Variants in LMBRD1 observed in about 807,000 individuals in gnomAD.
LMBRD1 encodes the protein LMBR1 domain containing 1.
Under a neutral mutation model 74.8 loss-of-function variants are expected in LMBRD1, and 64 were observed. The observed-to-expected ratio is 0.86, with a 90% CI of 0.70 to 1.05. LMBRD1 has a LOEUF of 1.05. Ranked by LOEUF, LMBRD1 falls within the 50% of genes least tolerant of loss-of-function variation. LMBRD1 has a pLI of 0.00. For synonymous variants in LMBRD1, 204 were observed against 216.3 expected (o/e 0.94, Z 0.50); for missense variants, 652 against 645.9 (o/e 1.01, Z -0.10).
chr6:69,727,036 T>C (rs1449096400), intron 7 of LMBRD1, among the ~76,000 whole-genome samples: 1 of 152,050 alleles, frequency 6.6e-6, no homozygotes, highest in Non-Finnish European at 1.5e-5. Context: ...GCACCTGTTG[T>C]CCCAGCTACT....
intron 14 of LMBRD1, among the ~76,000 whole-genome samples, chr6:69,696,190 T>G (rs1040518860): frequency 1.3e-5 from 2 of 152,314 alleles, no homozygotes; most frequent in South Asian, 4.1e-4. Context: ...TCTGTTTCTC[T>G]CACCATTGCT....
At position 69,752,320 on chromosome 6, in the gene LMBRD1, CAGA is replaced by C. The variant is rs1765175358; in HGVS notation, c.341_343del (p.Phe114del). The C allele has an allele frequency of 6.2e-7, 1 of 1,610,166 alleles. No individual in the cohort carries two copies. The highest frequency in any genetic ancestry group is 8.5e-7 in the Non-Finnish European group (1 of 1,176,996). ...ATAATAGAAGTAGACAAAAGGGATC[CAGA>C]AGAACACACAGAACAATATAACAGA... On this transcript the variant is annotated inframe_deletion, in exon 4 of 16. Transcript: ENST00000649934.
intron 7 of LMBRD1, among the ~76,000 whole-genome samples, chr6:69,719,475 T>C (rs1017647230): frequency 2.8e-4 from 43 of 152,248 alleles, no homozygotes; most frequent in African/African-American, 9.9e-4. Context: ...TTTGGTAAAA[T>C]AAGTATTTTA....
chr6:69,767,101 C>T (rs1765487935), intron 3 of LMBRD1, among the ~76,000 whole-genome samples: 1 of 151,356 alleles, frequency 6.6e-6, no homozygotes, highest in African/African-American at 2.4e-5. Context: ...TCTCTCTCTC[C>T]CTCTTTCCCA....
At chr6:69,692,189 T>C (rs868389718) in intron 14 of LMBRD1, among the ~76,000 whole-genome samples, 20 of 152,172 alleles carry the variant, frequency 1.3e-4, no homozygotes, top group Middle Eastern at 3.2e-3. Flanking sequence ...ATTTGCTAAG[T>C]TGTCTTAATC....
chr6:69,676,527 T>C lies in LMBRD1; in HGVS notation c.1432A>G (p.Thr478Ala). 1.2e-6 allele frequency: 2 copies of C among 1,612,708 alleles called. No individual in the cohort carries two copies. The highest frequency in any genetic ancestry group is 1.7e-6 in the Non-Finnish European group (2 of 1,178,934). ...TTGTGAAGGAATAGGTATGTCCGGG[T>C]AACAGTACACTGATCTGTGAAAGCA... is the stretch of plus-strand genomic sequence containing the variant. ...ADAPEDQCTV[T>A]RTYLFLHKFW... The change falls in exon 15 of 16, where the codon ACC (threonine) becomes GCC (alanine). Residue 478 changes from threonine (T) to alanine (A), a missense_variant. Thr to Ala is a moderately conservative substitution (Grantham distance 58, BLOSUM62 0). Coordinates refer to ENST00000649934, the MANE Select transcript of LMBRD1 (RefSeq NM_018368.4).
chr6:69,752,837 T>TA (rs1286303383), intron 3 of LMBRD1, among the ~76,000 whole-genome samples: 3 of 152,108 alleles, frequency 2.0e-5, no homozygotes, highest in African/African-American at 7.2e-5. Flanking sequence ...ATCTCAAGTT[T>TA]AAAAAAATAT....
chr6:69,721,187 C>T (rs1431190549), intron 7 of LMBRD1, among the ~76,000 whole-genome samples: 1 of 152,144 alleles, frequency 6.6e-6, no homozygotes, highest in African/African-American at 2.4e-5. Flanking sequence ...GACTGCAATT[C>T]CTAGGCAACT....
intron 14 of LMBRD1, among the ~76,000 whole-genome samples, chr6:69,695,974 G>A (rs961638500): frequency 2.0e-5 from 3 of 152,002 alleles, no homozygotes; most frequent in Admixed American, 2.0e-4. Flanking sequence ...CTCCCAAGTA[G>A]CTGGGATTAC....
intron 3 of LMBRD1, among the ~76,000 whole-genome samples, chr6:69,773,195 A>G (rs1198773669): frequency 6.7e-6 from 1 of 148,744 alleles, no homozygotes; most frequent in Non-Finnish European, 1.5e-5. Context: ...GTGACTGCTC[A>G]TGTGTGGATT....
At chr6:69,729,545 GATA>G (rs1012248178) in intron 7 of LMBRD1, among the ~76,000 whole-genome samples, 1 of 151,756 alleles carries the variant, frequency 6.6e-6, no homozygotes, top group Non-Finnish European at 1.5e-5. Flanking sequence ...TCTCCAAGAA[GATA>G]ATAATTGACC....
chr6:69,732,684 T>C (rs1021828239), intron 7 of LMBRD1, among the ~76,000 whole-genome samples: 9 of 152,218 alleles, frequency 5.9e-5, no homozygotes, highest in East Asian at 1.9e-4. Flanking sequence ...TATGTAAATA[T>C]GTATTTATAA....
At chr6:69,700,659 G>T in intron 12 of LMBRD1, 106 bp downstream of exon 12, 2 of 731,774 alleles carry the variant, frequency 2.7e-6, no homozygotes, top group Non-Finnish European at 4.0e-6. Context: ...TCTCTCACTT[G>T]TGGTATAAAG....
intron 7 of LMBRD1, among the ~76,000 whole-genome samples, chr6:69,720,699 C>T (rs915089417): frequency 3.3e-5 from 5 of 152,164 alleles, no homozygotes; most frequent in Admixed American, 2.6e-4. Context: ...AAGCCTACAC[C>T]ATTCATCTTC....
intron 14 of LMBRD1, among the ~76,000 whole-genome samples, chr6:69,690,818 T>G (rs1055971693): frequency 6.6e-6 from 1 of 152,128 alleles, no homozygotes; most frequent in Admixed American, 6.5e-5. Flanking sequence ...GGGATTCTCC[T>G]CAGTTAAAAA....
intron 5 of LMBRD1, among the ~76,000 whole-genome samples, chr6:69,744,610 C>A (rs1165823695): frequency 1.3e-5 from 2 of 152,164 alleles, no homozygotes; most frequent in Non-Finnish European, 2.9e-5. Context: ...ATGAATTCAG[C>A]ATAACTGAAA....
chr6:69,764,324 G>A (rs926348244), intron 3 of LMBRD1, among the ~76,000 whole-genome samples: 5 of 137,642 alleles, frequency 3.6e-5, no homozygotes, highest in African/African-American at 1.0e-4. Context: ...GCGCTAGATC[G>A]TTACCTCACT....
At chr6:69,685,627 CCT>C (rs902581990) in intron 14 of LMBRD1, among the ~76,000 whole-genome samples, 5 of 152,034 alleles carry the variant, frequency 3.3e-5, no homozygotes, top group Non-Finnish European at 7.4e-5. Flanking sequence ...ATGGTGAAAC[CCT>C]GTCTCTACTA....
intron 2 of LMBRD1, among the ~76,000 whole-genome samples, chr6:69,787,409 T>C (rs1240088734): frequency 2.0e-5 from 3 of 152,192 alleles, no homozygotes; most frequent in Admixed American, 6.5e-5. Flanking sequence ...TGATACATTA[T>C]CTAAGTTAAA....
Sources: gnomAD v4.1 joint callset for allele counts (sites outside exome capture counted in the v4.1 genomes callset) on GRCh38, gnomAD v4.1.1 for gene constraint, MANE v1.5 for transcripts, NCBI Gene and HGNC (gene_info 2026-07-23, HGNC 2026-07-21) for gene names.